The following ABHD18 variants were observed in gnomAD, a reference collection of about 807,000 sequenced individuals.
The protein encoded by ABHD18 is cardiolipin-specific deacylase, mitochondrial.
ABHD18 carries 55 observed loss-of-function variants against 65.9 expected under a neutral mutation model. That is an observed-to-expected ratio of 0.84 (90% CI 0.67 to 1.05). ABHD18 has a LOEUF of 1.05. ABHD18 is among the 50% of genes least tolerant of loss of function. The pLI is 0.00. For missense variants in ABHD18, 533 were observed against 558.5 expected (o/e 0.95, Z 0.46); for synonymous variants, 181 against 180.2 (o/e 1.00, Z -0.04).
At chr4:128,028,937 T>G in intron 11 of ABHD18, 84 bp downstream of exon 11, 1 of 1,135,622 alleles carries the variant, frequency 8.8e-7, no homozygotes, top group Non-Finnish European at 1.2e-6. Flanking sequence ...TATAAGATAA[T>G]TTTATATTTT....
intron 4 of ABHD18, among the ~76,000 whole-genome samples, chr4:128,003,984 A>C (rs1753160302): frequency 6.6e-6 from 1 of 151,810 alleles, no homozygotes; most frequent in Admixed American, 6.6e-5. Context: ...CAAACAAACA[A>C]AAAACCATTT....
At chr4:127,988,409 T>A (rs950615378) in intron 3 of ABHD18, among the ~76,000 whole-genome samples, 2 of 152,130 alleles carry the variant, frequency 1.3e-5, no homozygotes, top group Non-Finnish European at 2.9e-5. Context: ...TTTTGTATTT[T>A]TTGTAGAGAC....
rs537827741 is a variant in ABHD18 at position 128,014,202 on chromosome 4, C to G, written c.470+2502C>G. Among the ~76,000 whole-genome samples, 15 of 152,072 alleles carry G rather than the reference C, an allele frequency of 9.9e-5. No homozygotes were observed. In the South Asian group the frequency reaches 2.9e-3, roughly 29 times the overall value. On this transcript the variant is annotated intron_variant, in intron 7 of 12. Transcript: ENST00000645843. ...TTCTCCATGTTGGTCAGGCTGGTCTCGAACTCCCGACCTCAGGTGATCCTC... is the reference window on the plus strand; with the variant it reads ...TTCTCCATGTTGGTCAGGCTGGTCTGGAACTCCCGACCTCAGGTGATCCTC...
intron 3 of ABHD18, among the ~76,000 whole-genome samples, chr4:127,985,459 C>A (rs961565484): frequency 6.6e-6 from 1 of 152,016 alleles, no homozygotes; most frequent in East Asian, 1.9e-4. Flanking sequence ...TTGAAAACTC[C>A]TCCTCTATAT....
intron 4 of ABHD18, among the ~76,000 whole-genome samples, chr4:128,003,080 T>C (rs1752956487): frequency 6.6e-6 from 1 of 152,074 alleles, no homozygotes; most frequent in Non-Finnish European, 1.5e-5. Context: ...AGAAATTAAT[T>C]CAAATAAGCC....
intron 4 of ABHD18, among the ~76,000 whole-genome samples, chr4:128,003,284 C>T (rs747301439): frequency 1.3e-5 from 2 of 151,520 alleles, no homozygotes; most frequent in African/African-American, 4.9e-5. Context: ...AGGAGAATCA[C>T]TTGAACCCAG....
rs1193285524 is a variant in ABHD18, at chr4:128,039,158, T to G, written c.*3345T>G. On this transcript the variant is annotated 3_prime_UTR_variant, in exon 13 of 13. Transcript: ENST00000645843. ...ACACACATATGCATATATATATATATATATATATATATATATATATATATA... is the reference window on the plus strand; with the variant it reads ...ACACACATATGCATATATATATATAGATATATATATATATATATATATATA... 1 of 104,890 alleles carries G rather than the reference T, an allele frequency of 9.5e-6. No homozygotes were observed. The highest frequency in any genetic ancestry group is 3.2e-5 in the African/African-American group (1 of 31,518). The allele number at this position is 104,890 out of a possible 1,614,324, so 6.5% of individuals were successfully genotyped here. A position where few individuals can be genotyped will look rare whatever the true frequency, so the allele number is the denominator to read the frequency against.
intron 1 of ABHD18, among the ~76,000 whole-genome samples, chr4:127,979,479 G>C (rs945403436): frequency 6.6e-6 from 1 of 152,030 alleles, no homozygotes; most frequent in Non-Finnish European, 1.5e-5. Flanking sequence ...CATTTGAACC[G>C]GGGAGGCAGA....
chr4:128,021,123 G>C lies in ABHD18; in HGVS notation c.700-14G>C, dbSNP rs756489440. ...TATGATGTGGTTTGATCTTAATTTAGCTTATTATTTCAGGGTGTGTTGAGT... is the reference window on the plus strand; with the variant it reads ...TATGATGTGGTTTGATCTTAATTTACCTTATTATTTCAGGGTGTGTTGAGT... On this transcript the variant is annotated splice_polypyrimidine_tract_variant and intron_variant, in intron 9 of 12. Coordinates refer to ENST00000645843, the MANE Select transcript of ABHD18 (RefSeq NM_001358451.3). 10 of 1,484,702 alleles carry C rather than the reference G, an allele frequency of 6.7e-6. No homozygotes were observed. The East Asian group carries it at 2.2e-4, about 33-fold the overall frequency. 92.0% of individuals were successfully genotyped at this position (1,484,702 alleles called of 1,614,324 possible). A position where few individuals can be genotyped will look rare whatever the true frequency, so the allele number is the denominator to read the frequency against.
chr4:128,020,230 G>C (rs1756262464), intron 9 of ABHD18, 61 bp downstream of exon 9: 3 of 1,384,544 alleles, frequency 2.2e-6, no homozygotes, highest in Non-Finnish European at 3.0e-6. Flanking sequence ...TGTTTTGGGG[G>C]GGTCCCCAAA....
rs1758848235 is a variant in ABHD18 at position 128,035,977 on chromosome 4, C to T, written c.*164C>T. 1 of 424,038 alleles carries T rather than the reference C, an allele frequency of 2.4e-6. No individual in the cohort carries two copies. Among genetic ancestry groups the T allele is most frequent in the African/African-American group, 2.0e-5 (1 of 50,054 alleles). The allele number at this position is 424,038 out of a possible 1,614,324, so 26.3% of individuals were successfully genotyped here. A position where few individuals can be genotyped will look rare whatever the true frequency, so the allele number is the denominator to read the frequency against. On this transcript the variant is annotated 3_prime_UTR_variant, in exon 13 of 13. Coordinates refer to ENST00000645843, the MANE Select transcript of ABHD18 (RefSeq NM_001358451.3). ...ATCAGTTAACTATAAACTTCGAATA[C>T]ATTTGAATAATTTCAAGATAATATT...
rs892074842 is a variant in ABHD18, at chr4:128,037,955, A to G, written c.*2142A>G. On this transcript the variant is annotated 3_prime_UTR_variant, in exon 13 of 13. Coordinates refer to ENST00000645843, the MANE Select transcript of ABHD18 (RefSeq NM_001358451.3). The stretch of plus-strand genomic sequence containing the variant: ...TTTAGGGTATTGTGTGAAGTTTTAC[A>G]GTAGGTATTTTTGAGTTTTGTTTGA... The G allele has an allele frequency of 6.6e-6, 1 of 152,166 alleles. No homozygotes were observed. Among genetic ancestry groups the G allele is most frequent in the Non-Finnish European group, 1.5e-5 (1 of 68,036 alleles). 9.4% of individuals were successfully genotyped at this position (152,166 alleles called of 1,614,324 possible). A position where few individuals can be genotyped will look rare whatever the true frequency, so the allele number is the denominator to read the frequency against.
At chr4:128,016,511 A>G (rs1755517133) in intron 7 of ABHD18, among the ~76,000 whole-genome samples, 1 of 152,176 alleles carries the variant, frequency 6.6e-6, no homozygotes, top group South Asian at 2.1e-4. Context: ...GTGGTGGCTC[A>G]CGCCTGTAAT....
intron 4 of ABHD18, among the ~76,000 whole-genome samples, chr4:127,995,472 TAG>T (rs2149098391): frequency 6.6e-6 from 1 of 152,306 alleles, no homozygotes; most frequent in African/African-American, 2.4e-5. Context: ...AGTGGTTTAT[TAG>T]AGAGTAGAAA....
chr4:128,010,123 T>G (rs2149134893), intron 6 of ABHD18, among the ~76,000 whole-genome samples: 1 of 152,352 alleles, frequency 6.6e-6, no homozygotes, highest in African/African-American at 2.4e-5. Flanking sequence ...TTGAGATTAT[T>G]AAATGATTAA....
chr4:128,036,562 C>G lies in ABHD18; in HGVS notation c.*749C>G, dbSNP rs1758897407. 1 of 152,096 alleles carries G rather than the reference C, an allele frequency of 6.6e-6. No individual in the cohort carries two copies. Among genetic ancestry groups the G allele is most frequent in the Non-Finnish European group, 1.5e-5 (1 of 68,096 alleles). The allele number at this position is 152,096 out of a possible 1,614,324, so 9.4% of individuals were successfully genotyped here. On this transcript the variant is annotated 3_prime_UTR_variant, in exon 13 of 13. Transcript: ENST00000645843. ...CCTGACCAATATAGAGAAACCCCCT[C>G]TCTACTACAAATACAAAAAATTAGC...
At chr4:128,028,106 T>C (rs971582256) in intron 10 of ABHD18, among the ~76,000 whole-genome samples, 1 of 152,202 alleles carries the variant, frequency 6.6e-6, no homozygotes, top group Admixed American at 6.5e-5. Flanking sequence ...CTTCTCAAAC[T>C]GAAACTTACC....
intron 1 of ABHD18, among the ~76,000 whole-genome samples, chr4:127,970,510 A>T (rs543490168): frequency 6.8e-6 from 1 of 146,770 alleles, no homozygotes; most frequent in African/African-American, 2.5e-5. Context: ...AATTGCTTGA[A>T]CCCGGGAGAC....
rs1372383154 is a variant in ABHD18, at chr4:128,035,762, A to G, written c.1344A>G (p.Arg448=). The G allele has an allele frequency of 3.3e-6, 5 of 1,523,150 alleles. No homozygotes were observed. 94.4% of individuals were successfully genotyped at this position (1,523,150 alleles called of 1,614,324 possible). A position where few individuals can be genotyped will look rare whatever the true frequency, so the allele number is the denominator to read the frequency against. ...SAYLFKQGLF[R]QAIYDAFDRF... ...GTTTTTCTTTCATATTTAATTTTAG[A>G]CAAGCCATCTATGATGCATTTGACC... is the stretch of plus-strand genomic sequence containing the variant. Residue 448 remains arginine, a splice_region_variant and synonymous_variant, in exon 13 of 13, where the codon AGA becomes AGG. Transcript: ENST00000645843.
Sources: gnomAD v4.1 joint callset for allele counts (sites outside exome capture counted in the v4.1 genomes callset) on GRCh38, gnomAD v4.1.1 for gene constraint, MANE v1.5 for transcripts, NCBI Gene and HGNC (gene_info 2026-07-23, HGNC 2026-07-21) for gene names.